ZMYM4: variants seen among roughly 807,000 people sequenced by gnomAD.
The protein encoded by ZMYM4 is zinc finger MYM-type protein 4.
In ZMYM4, 31 loss-of-function variants were observed where a neutral mutation model predicts 183.2. That is an observed-to-expected ratio of 0.17 (90% confidence interval 0.13 to 0.23). ZMYM4 has a LOEUF of 0.23. ZMYM4 is among the 10% of genes least tolerant of loss of function. The pLI is 1.00. For synonymous variants in ZMYM4, 592 were observed against 631.2 expected (o/e 0.94, Z 0.93); for missense variants, 1,273 against 1,840.3 (o/e 0.69, Z 5.64).
At chr1:35,289,949 CTTTCT>C (rs764638098) in intron 1 of ZMYM4, among the ~76,000 whole-genome samples, 1 of 151,970 alleles carries the variant, frequency 6.6e-6, no homozygotes, top group Non-Finnish European at 1.5e-5. Flanking sequence ...TGCCAGTTTT[CTTTCT>C]TTTCTTTTTT....
chr1:35,418,399 G>A, intron 28 of ZMYM4, 44 bp from the exon 29 acceptor site: 1 of 1,598,880 alleles, frequency 6.3e-7, no homozygotes, highest in Admixed American at 1.8e-5. Flanking sequence ...TCAAAGAATA[G>A]ACTTTTCTAA....
Position 35,399,056 on chromosome 1 carries a change from T to C in ZMYM4, c.3433+13T>C, listed in dbSNP as rs781586520. 1 of 1,611,898 alleles carries C rather than the reference T, an allele frequency of 6.2e-7. No individual in the cohort carries two copies. Among genetic ancestry groups the C allele is most frequent in the Non-Finnish European group, 8.5e-7 (1 of 1,178,424 alleles). On this transcript the variant is annotated intron_variant, in intron 22 of 29. Coordinates refer to ENST00000314607, the MANE Select transcript of ZMYM4 (RefSeq NM_005095.3). ...GATTTTCCATCAGGTTTGTGTACAG[T>C]AACCTGTCCACTGAAAGCTTTTTAT...
intron 23 of ZMYM4, among the ~76,000 whole-genome samples, chr1:35,404,220 A>C (rs1379333218): frequency 6.6e-6 from 1 of 152,030 alleles, no homozygotes; most frequent in African/African-American, 2.4e-5. Flanking sequence ...GTATGCCACC[A>C]TGCCTGGCTA....
At chr1:35,354,497 G>A (rs774245276) in intron 2 of ZMYM4, among the ~76,000 whole-genome samples, 1 of 152,054 alleles carries the variant, frequency 6.6e-6, no homozygotes, top group African/African-American at 2.4e-5. Context: ...AGGCCAAGGC[G>A]GGTGGATCAC....
intron 2 of ZMYM4, among the ~76,000 whole-genome samples, chr1:35,330,807 C>G (rs1220824341): frequency 6.6e-6 from 1 of 152,116 alleles, no homozygotes; most frequent in African/African-American, 2.4e-5. Flanking sequence ...CTACTAAGAC[C>G]CTCCTTCCAA....
At chr1:35,270,785 C>G (rs192984914) in intron 1 of ZMYM4, among the ~76,000 whole-genome samples, 38 of 151,794 alleles carry the variant, frequency 2.5e-4, no homozygotes, top group African/African-American at 9.2e-4. Context: ...TCAAAACCCC[C>G]TCCAAAAAAA....
chr1:35,376,829 A>G (rs1644345327), intron 7 of ZMYM4, among the ~76,000 whole-genome samples: 1 of 151,810 alleles, frequency 6.6e-6, no homozygotes, highest in Non-Finnish European at 1.5e-5. Context: ...CCCGGCCTAT[A>G]GTATTTTAAG....
At chr1:35,351,751 T>C (rs1558057266) in intron 2 of ZMYM4, 4 of 356,786 alleles carry the variant, frequency 1.1e-5, no homozygotes, top group Non-Finnish European at 1.5e-5. Flanking sequence ...AATATTTATT[T>C]ATATGATAGT....
intron 1 of ZMYM4, among the ~76,000 whole-genome samples, chr1:35,308,783 C>T (rs1378559142): frequency 1.3e-5 from 2 of 152,194 alleles, no homozygotes; most frequent in Admixed American, 6.5e-5. Flanking sequence ...TTTGCTTGAA[C>T]GTGGGGGGTG....
chr1:35,299,788 CTTTCT>C (rs1229723224), intron 1 of ZMYM4, among the ~76,000 whole-genome samples: 4 of 151,238 alleles, frequency 2.6e-5, no homozygotes, highest in African/African-American at 7.3e-5. Flanking sequence ...TTCTTTCTTT[CTTTCT>C]TTTCTTTTTT....
rs1639441169 is a variant in ZMYM4 at position 35,268,914 on chromosome 1, G to A, written c.-133G>A. 5.6e-6 allele frequency: 6 copies of A among 1,068,582 alleles called. No individual in the cohort carries two copies. In the East Asian group the frequency reaches 1.7e-4, roughly 31 times the overall value. 66.2% of individuals were successfully genotyped at this position (1,068,582 alleles called of 1,614,324 possible). The stretch of plus-strand genomic sequence containing the variant: ...CGGCATCCGCCCCCTCCCCACTCTC[G>A]GCGCAAGGCCCGGCCGGGTCCGGGG... On this transcript the variant is annotated 5_prime_UTR_variant, in exon 1 of 30. Coordinates refer to ENST00000314607, the MANE Select transcript of ZMYM4 (RefSeq NM_005095.3).
Position 35,397,474 on chromosome 1 carries a change from T to C in ZMYM4, c.3128T>C (p.Phe1043Ser). ...DIKEKLPTHP[F>S]EADLLEMAEM... is the part of the protein sequence containing the mutation. ...AAAGAAAAGCTTCCCACACATCCAT[T>C]TGAAGCTGATCTCCTTGAGATGGCA... The change falls in exon 20 of 30, where the codon TTT becomes TCT. Residue 1043 changes from phenylalanine (F) to serine (S), a missense_variant. Physicochemically the swap from Phe to Ser is radical, Grantham distance 155. This residue lies in a region of ZMYM4 where 290 missense variants were observed against 353.3 expected (regional missense o/e 0.82). Transcript: ENST00000314607. The C allele has an allele frequency of 6.2e-7, 1 of 1,613,414 alleles. No individual in the cohort carries two copies. The highest frequency in any genetic ancestry group is 8.5e-7 in the Non-Finnish European group (1 of 1,179,660).
intron 1 of ZMYM4, among the ~76,000 whole-genome samples, chr1:35,288,075 C>T (rs1196640809): frequency 2.0e-5 from 3 of 152,150 alleles, no homozygotes; most frequent in Non-Finnish European, 4.4e-5. Context: ...TTTGTTTCTT[C>T]CCTTTCCCTT....
intron 13 of ZMYM4, among the ~76,000 whole-genome samples, chr1:35,388,286 C>A (rs1016100252): frequency 6.6e-6 from 1 of 152,164 alleles, no homozygotes; most frequent in South Asian, 2.1e-4. Flanking sequence ...CTCACTGCAA[C>A]CTCTGCCTCC....
chr1:35,361,503 G>C, intron 4 of ZMYM4, 116 bp from the exon 5 acceptor site: 1 of 1,225,842 alleles, frequency 8.2e-7, no homozygotes, highest in Admixed American at 2.8e-5. Context: ...AGATCCAAAA[G>C]CTAATGAATG....
chr1:35,401,945 A>G (rs971739393), intron 23 of ZMYM4, among the ~76,000 whole-genome samples: 3 of 152,048 alleles, frequency 2.0e-5, no homozygotes, highest in South Asian at 2.1e-4. Context: ...GAAACTTTCT[A>G]TTCTGTTCTA....
chr1:35,320,813 GT>G (rs1249304176), intron 1 of ZMYM4, among the ~76,000 whole-genome samples: 1 of 152,176 alleles, frequency 6.6e-6, no homozygotes, highest in African/African-American at 2.4e-5. Context: ...TTGCGAGACT[GT>G]TATAGCAGAA....
At chr1:35,280,671 G>C (rs1385701198) in intron 1 of ZMYM4, among the ~76,000 whole-genome samples, 1 of 152,126 alleles carries the variant, frequency 6.6e-6, no homozygotes, top group Non-Finnish European at 1.5e-5. Context: ...AGCCTCTGGT[G>C]GTCCCACGTG....
In ZMYM4 at chr1:35,397,385, C is replaced by G. The variant is rs1166365390; in HGVS notation, c.3039C>G (p.Val1013=). The G allele has an allele frequency of 1.2e-6, 2 of 1,602,056 alleles. No individual in the cohort carries two copies. The highest frequency in any genetic ancestry group is 2.3e-5 in the South Asian group (2 of 87,518). Residue 1013 remains valine (V), a synonymous_variant, in exon 20 of 30, where the codon GTC becomes GTG. Coordinates refer to ENST00000314607, the MANE Select transcript of ZMYM4 (RefSeq NM_005095.3). The stretch of plus-strand genomic sequence containing the variant: ...TATCCTTGGTCTTTCAGATGCCTGT[C>G]CCTATGCTTATTCCATCTTCAATGG... ...VPFGIPVPMP[V]PMLIPSSMDS...
Sources: allele counts gnomAD v4.1 joint callset (sites outside exome capture counted in the v4.1 genomes callset), GRCh38; gene constraint gnomAD v4.1.1; regional missense constraint gnomAD v4.1.1; transcripts MANE v1.5; gene names NCBI Gene and HGNC (gene_info 2026-07-23, HGNC 2026-07-21).